Variants in KCNH5 observed in about 807,000 individuals in gnomAD.
The protein encoded by KCNH5 is potassium voltage-gated channel subfamily H member 5, also known as voltage-gated delayed rectifier potassium channel KCNH5.
KCNH5 carries 46 observed loss-of-function variants against 96.1 expected under a neutral mutation model. That is an observed-to-expected ratio of 0.48 (90% confidence interval 0.38 to 0.61). The LOEUF is 0.61. Ranked by LOEUF, KCNH5 falls within the 20% of genes least tolerant of loss-of-function variation. KCNH5 has a pLI of 0.00. For synonymous variants in KCNH5, 439 were observed against 449.8 expected (o/e 0.98, Z 0.30); for missense variants, 907 against 1,225.8 (o/e 0.74, Z 3.88).
chr14:62,856,318 TG>T (rs1887926844), intron 7 of KCNH5, among the ~76,000 whole-genome samples: 1 of 152,218 alleles, frequency 6.6e-6, no homozygotes, highest in African/African-American at 2.4e-5. Flanking sequence ...TATTATATTT[TG>T]TGCCCCTCCA....
At chr14:62,744,108 A>G (rs1885327888) in intron 10 of KCNH5, among the ~76,000 whole-genome samples, 1 of 152,326 alleles carries the variant, frequency 6.6e-6, no homozygotes. Context: ...ATGACTACTG[A>G]TATTTTAAAA....
At chr14:62,926,845 A>C (rs1029595810) in intron 7 of KCNH5, among the ~76,000 whole-genome samples, 3 of 152,102 alleles carry the variant, frequency 2.0e-5, no homozygotes, top group African/African-American at 7.2e-5. Flanking sequence ...GACACAATTC[A>C]GTCCACTGCA....
At chr14:62,722,998 C>G (rs1005705062) in intron 10 of KCNH5, among the ~76,000 whole-genome samples, 8 of 152,132 alleles carry the variant, frequency 5.3e-5, no homozygotes, top group Non-Finnish European at 7.3e-5. Flanking sequence ...AATACACTAC[C>G]CTACTGATCT....
rs1566729509 is a variant in KCNH5, at chr14:62,981,238, A to T, written c.576T>A (p.Leu192=). 3 of 1,613,974 alleles carry T rather than the reference A, an allele frequency of 1.9e-6. No individual in the cohort carries two copies. Among genetic ancestry groups the T allele is most frequent in the Non-Finnish European group, 2.5e-6 (3 of 1,179,996 alleles). The change falls in exon 6 of 11, where the codon CTT becomes CTA. Residue 192 remains leucine (L), a synonymous_variant. Coordinates refer to ENST00000322893, the MANE Select transcript of KCNH5 (RefSeq NM_139318.5). ...AEVLQLGSDI[L]PQYKQEAPKT... ...TTGGCGCTTCTTGTTTATACTGAGG[A>T]AGGATATCTGATCCCAGCTGAAGAA...
chr14:62,826,933 G>A (rs746456551), intron 8 of KCNH5, among the ~76,000 whole-genome samples: 3 of 151,946 alleles, frequency 2.0e-5, no homozygotes, highest in Non-Finnish European at 4.4e-5. Context: ...AAAAATCAGT[G>A]TAGAAATAGA....
intron 7 of KCNH5, among the ~76,000 whole-genome samples, chr14:62,934,103 T>C (rs1193624442): frequency 6.6e-6 from 1 of 151,754 alleles, no homozygotes; most frequent in East Asian, 1.9e-4. Flanking sequence ...GGACACACTT[T>C]TTTCAAATGC....
intron 9 of KCNH5, among the ~76,000 whole-genome samples, chr14:62,796,547 A>AT (rs1389601630): frequency 6.6e-6 from 1 of 152,212 alleles, no homozygotes; most frequent in Non-Finnish European, 1.5e-5. Context: ...TCTTAGTTTA[A>AT]TAACTCTAAC....
chr14:62,757,052 G>A (rs1407967100), intron 10 of KCNH5, among the ~76,000 whole-genome samples: 3 of 151,730 alleles, frequency 2.0e-5, no homozygotes, highest in Non-Finnish European at 2.9e-5. Flanking sequence ...ATCTAACAAG[G>A]GATTAATAAC....
chr14:62,981,564 C>A (rs776514095), intron 5 of KCNH5, among the ~76,000 whole-genome samples: 55 of 152,358 alleles, frequency 3.6e-4, no homozygotes, highest in Non-Finnish European at 6.8e-4. Flanking sequence ...TGCAAGCCTG[C>A]CTAGAATCAC....
chr14:62,779,783 G>T lies in KCNH5; in HGVS notation c.1964C>A (p.Ala655Asp). ...ATTCCTTGAGAAGGAGTTTGCAAAA[G>T]CTGTATAAAAGTCCAGGACTTTGAG... ...ALLKVLDFYT[A>D]FANSFSRNLT... The change falls in exon 10 of 11, where the codon GCT becomes GAT. Residue 655 changes from alanine to aspartate, a missense_variant. By Grantham distance (126) the Ala-to-Asp change is moderately radical (BLOSUM62 -2). Coordinates refer to ENST00000322893, the MANE Select transcript of KCNH5 (RefSeq NM_139318.5). The T allele has an allele frequency of 6.2e-7, 1 of 1,613,978 alleles. No homozygotes were observed. Among genetic ancestry groups the T allele is most frequent in the Non-Finnish European group, 8.5e-7 (1 of 1,179,930 alleles).
chr14:63,006,362 C>T lies in KCNH5; in HGVS notation c.304+4G>A, dbSNP rs750807814. On this transcript the variant is annotated splice_donor_region_variant and intron_variant, in intron 3 of 10. Transcript: ENST00000322893. ...CACATCTTATTAATAATTGAGATAC[C>T]TACTGTTTTTCTTGTACAGAAGAAC... The T allele has an allele frequency of 6.4e-7, 1 of 1,566,132 alleles. No individual in the cohort carries two copies. The highest frequency in any genetic ancestry group is 1.1e-5 in the South Asian group (1 of 89,322).
intron 5 of KCNH5, among the ~76,000 whole-genome samples, chr14:62,981,950 CTAAT>C (rs1440351291): frequency 6.6e-6 from 1 of 152,126 alleles, no homozygotes. Context: ...TTGAGTTACA[CTAAT>C]TAAGTCTAAT....
chr14:62,868,142 G>A (rs1888172775), intron 7 of KCNH5, among the ~76,000 whole-genome samples: 1 of 152,226 alleles, frequency 6.6e-6, no homozygotes, highest in Non-Finnish European at 1.5e-5. Context: ...GACCCTCTAT[G>A]CCTGGAAGGC....
chr14:62,806,451 C>T (rs1184931938), intron 8 of KCNH5, among the ~76,000 whole-genome samples: 1 of 152,062 alleles, frequency 6.6e-6, no homozygotes, highest in Non-Finnish European at 1.5e-5. Flanking sequence ...GACTATAGTG[C>T]AGAAACCCTG....
chr14:62,990,677 G>A (rs913712702), intron 4 of KCNH5, among the ~76,000 whole-genome samples: 2 of 151,970 alleles, frequency 1.3e-5, no homozygotes, highest in Non-Finnish European at 1.5e-5. Flanking sequence ...TGCATCGTGC[G>A]ACTTTTAGTT....
At chr14:62,942,914 G>A (rs990052024) in intron 7 of KCNH5, among the ~76,000 whole-genome samples, 14 of 152,032 alleles carry the variant, frequency 9.2e-5, no homozygotes, top group Admixed American at 7.9e-4. Flanking sequence ...GACATATACT[G>A]CATGGGTCAG....
At chr14:62,826,906 A>G (rs942740607) in intron 8 of KCNH5, among the ~76,000 whole-genome samples, 1 of 152,096 alleles carries the variant, frequency 6.6e-6, no homozygotes, top group African/African-American at 2.4e-5. Flanking sequence ...AAACGACTTC[A>G]TGAATCAGAA....
intron 7 of KCNH5, among the ~76,000 whole-genome samples, chr14:62,880,351 CAAACTT>C (rs1888467661): frequency 6.6e-6 from 1 of 152,154 alleles, no homozygotes. Context: ...TGTGAATTCT[CAAACTT>C]AAAGGAAAAA....
At chr14:62,718,625 C>T (rs752714003) in intron 10 of KCNH5, among the ~76,000 whole-genome samples, 1 of 152,236 alleles carries the variant, frequency 6.6e-6, no homozygotes, top group African/African-American at 2.4e-5. Flanking sequence ...TGTAAAATGG[C>T]ATAGCTTCTG....
Sources: gnomAD v4.1 joint callset for allele counts (sites outside exome capture counted in the v4.1 genomes callset) on GRCh38, gnomAD v4.1.1 for gene constraint, MANE v1.5 for transcripts, NCBI Gene and HGNC (gene_info 2026-07-23, HGNC 2026-07-21) for gene names.